The following ITPR3 variants were observed in gnomAD, a reference collection of about 807,000 sequenced individuals.
ITPR3 encodes the protein inositol 1,4,5-trisphosphate receptor type 3.
A neutral mutation model predicts 293.2 loss-of-function variants in ITPR3; 173 were observed. The ratio of observed to expected loss-of-function variants is 0.59; its 90% CI spans 0.52 to 0.67. The LOEUF (loss-of-function observed/expected upper bound fraction) is 0.67. ITPR3 is among the 30% of genes least tolerant of loss of function. The probability of loss-of-function intolerance (pLI) is 0.00; values close to 1 mark genes in which losing one functional copy is unlikely to be tolerated. For synonymous variants in ITPR3, 1,295 were observed against 1,444.4 expected, an observed-to-expected ratio of 0.90 and a Z score of 2.35; for missense variants, 2,796 against 3,592.1, an observed-to-expected ratio of 0.78 and a Z score of 5.66.
rs1763447925 is a variant in ITPR3 at position 33,621,959 on chromosome 6, G to A, written c.89+268G>A. 6.6e-6 allele frequency among the ~76,000 whole-genome samples: 1 copy of A among 152,216 alleles called. No homozygotes were observed. Among genetic ancestry groups the A allele is most frequent in the Admixed American group, 6.5e-5 (1 of 15,292 alleles). Reference sequence around the variant, plus strand: ...TCCCGCGCACGCCTTTGGAGGGGGCGGAGGGACGGAGGCTTCCTTTGCAGG... The same window carrying A: ...TCCCGCGCACGCCTTTGGAGGGGGCAGAGGGACGGAGGCTTCCTTTGCAGG... On this transcript the variant is annotated intron_variant, in intron 1 of 57. Coordinates refer to ENST00000605930, the MANE Select transcript of ITPR3 (RefSeq NM_002224.4). The surrounding 1 kb of genome is among the most constrained non-coding windows in gnomAD (Gnocchi z 7.7).
At position 33,675,569 on chromosome 6, in the gene ITPR3, A is replaced by G; in HGVS notation, c.3117-122A>G. ...GTGTCAATATTTTAAACACATTTAG[A>G]CTGGCCCTGCATCTGCTAATTGGGT... On this transcript the variant is annotated intron_variant, in intron 24 of 57. Coordinates refer to ENST00000605930, the MANE Select transcript of ITPR3 (RefSeq NM_002224.4). This position sits in a 1 kb window ranked among gnomAD's most constrained non-coding sequence, Gnocchi z 5.0. The G allele has an allele frequency of 1.9e-6, 2 of 1,050,534 alleles. No homozygotes were observed. Among genetic ancestry groups the G allele is most frequent in the Non-Finnish European group, 1.4e-6 (1 of 738,592 alleles). 65.1% of individuals were successfully genotyped at this position (1,050,534 alleles called of 1,614,324 possible).
chr6:33,677,448 C>A, intron 27 of ITPR3, 56 bp from the exon 28 acceptor site: 1 of 1,600,584 alleles, frequency 6.2e-7, no homozygotes, highest in South Asian at 1.1e-5. Context: ...GTGGGCTGGG[C>A]AGAGGGCAGC....
At chr6:33,647,383 A>G (rs1312623227) in intron 2 of ITPR3, among the ~76,000 whole-genome samples, 1 of 152,156 alleles carries the variant, frequency 6.6e-6, no homozygotes, top group Non-Finnish European at 1.5e-5. Flanking sequence ...TCCCATCTTA[A>G]CCATCGTTAA....
intron 1 of ITPR3, among the ~76,000 whole-genome samples, chr6:33,630,376 C>T (rs1482397675): frequency 6.6e-6 from 1 of 152,224 alleles, no homozygotes; most frequent in Non-Finnish European, 1.5e-5. Flanking sequence ...GCCTCAGTTA[C>T]TCTGTCAAGT....
rs571784806 is a variant in ITPR3, at chr6:33,640,417, T to C, written c.90-67T>C. 1,118 of 1,483,256 alleles carry C rather than the reference T, an allele frequency of 7.5e-4. 5 individuals carry two copies. The African/African-American group carries it at 0.01, about 14-fold the overall frequency. 91.9% of individuals were successfully genotyped at this position (1,483,256 alleles called of 1,614,324 possible). On this transcript the variant is annotated intron_variant, in intron 1 of 57. Coordinates refer to ENST00000605930, the MANE Select transcript of ITPR3 (RefSeq NM_002224.4). ...ACTGGTACCCTGGCATCCCCTGCTC[T>C]AAGGGAAGGGATACTGTGGGAGATA...
Position 33,648,739 on chromosome 6 carries a change from G to A in ITPR3, c.161-7027G>A, listed in dbSNP as rs74685349. On this transcript the variant is annotated intron_variant, in intron 2 of 57. Coordinates refer to ENST00000605930, the MANE Select transcript of ITPR3 (RefSeq NM_002224.4). ...TCCCAAGTAGCTGGATCACAGGTGCGTGTCAACAGACCCGGCTAGTTTTTA... is the reference window on the plus strand; with the variant it reads ...TCCCAAGTAGCTGGATCACAGGTGCATGTCAACAGACCCGGCTAGTTTTTA... 3.7e-3 allele frequency among the ~76,000 whole-genome samples: 565 copies of A among 151,940 alleles called. 1 individual carries two copies. Among genetic ancestry groups the A allele is most frequent in the African/African-American group, 0.013 (529 of 41,426 alleles).
chr6:33,626,258 C>A (rs1439420602), intron 1 of ITPR3, among the ~76,000 whole-genome samples: 1 of 152,094 alleles, frequency 6.6e-6, no homozygotes, highest in Non-Finnish European at 1.5e-5. Context: ...TTGAACAAGG[C>A]CCTGCCTTCT....
At position 33,687,844 on chromosome 6, in the gene ITPR3, G is replaced by A. The variant is rs1355370586; in HGVS notation, c.6265-213G>A. 6.6e-6 allele frequency among the ~76,000 whole-genome samples: 1 copy of A among 152,140 alleles called. No individual in the cohort carries two copies. Among genetic ancestry groups the A allele is most frequent in the Non-Finnish European group, 1.5e-5 (1 of 68,014 alleles). On this transcript the variant is annotated intron_variant, in intron 46 of 57. Coordinates refer to ENST00000605930, the MANE Select transcript of ITPR3 (RefSeq NM_002224.4). This position sits in a 1 kb window ranked among gnomAD's most constrained non-coding sequence, Gnocchi z 5.3. ...TGAGGAGGCCCCCGCTATCCTCTGG[G>A]ATTCTCTGGTCATGGCTCTCCCACT...
intron 33 of ITPR3, among the ~76,000 whole-genome samples, chr6:33,681,010 A>G (rs866135114): frequency 5.3e-5 from 8 of 152,002 alleles, no homozygotes; most frequent in African/African-American, 7.3e-5. Flanking sequence ...TAGTAGAGAC[A>G]GGGTTTCACC....
chr6:33,672,904 C>T lies in ITPR3; in HGVS notation c.2928+676C>T, dbSNP rs568207621. ...CCCAGCCACACCCCAGGAAGGGGCT[C>T]ATCCCCGAGGAGGGATGAGGATGCT... is the stretch of plus-strand genomic sequence containing the variant. On this transcript the variant is annotated intron_variant, in intron 22 of 57. Coordinates refer to ENST00000605930, the MANE Select transcript of ITPR3 (RefSeq NM_002224.4). This position sits in a 1 kb window ranked among gnomAD's most constrained non-coding sequence, Gnocchi z 5.0. 1.3e-5 allele frequency among the ~76,000 whole-genome samples: 2 copies of T among 152,328 alleles called. No homozygotes were observed. The highest frequency in any genetic ancestry group is 4.1e-4 in the South Asian group (2 of 4,828).
chr6:33,695,768 C>T lies in ITPR3; in HGVS notation c.8004C>T (p.Cys2668=). Residue 2668 remains cysteine, a synonymous_variant, in exon 58 of 58, where the codon TGC becomes TGT. Coordinates refer to ENST00000605930, the MANE Select transcript of ITPR3 (RefSeq NM_002224.4). ...QRLGFVDVQN[C]ISR is the part of the protein sequence containing the mutation. ...TAGGCTTTGTGGATGTCCAGAACTG[C>T]ATTAGCCGCTGAGGAGAGCCACCGA... The T allele has an allele frequency of 6.2e-7, 1 of 1,614,140 alleles. No individual in the cohort carries two copies. Among genetic ancestry groups the T allele is most frequent in the Non-Finnish European group, 8.5e-7 (1 of 1,180,014 alleles).
chr6:33,621,887 A>G lies in ITPR3; in HGVS notation c.89+196A>G, dbSNP rs982134877. Among the ~76,000 whole-genome samples, 8 of 152,094 alleles carry G rather than the reference A, an allele frequency of 5.3e-5. No homozygotes were observed. The highest frequency in any genetic ancestry group is 1.7e-4 in the African/African-American group (7 of 41,410). On this transcript the variant is annotated intron_variant, in intron 1 of 57. Coordinates refer to ENST00000605930, the MANE Select transcript of ITPR3 (RefSeq NM_002224.4). The surrounding 1 kb of genome is among the most constrained non-coding windows in gnomAD (Gnocchi z 7.7). ...TGCTCAGGTAGGACTCGGGCTCCCT[A>G]CTGGAGTTGGCAGGAGGAGCCTCCC...
At position 33,674,072 on chromosome 6, in the gene ITPR3, C is replaced by A. The variant is rs937485892; in HGVS notation, c.3059-136C>A. The A allele has an allele frequency of 3.7e-6, 4 of 1,094,666 alleles. No homozygotes were observed. The African/African-American group carries it at 6.2e-5, about 17-fold the overall frequency. The allele number at this position is 1,094,666 out of a possible 1,614,324, so 67.8% of individuals were successfully genotyped here. A position where few individuals can be genotyped will look rare whatever the true frequency, so the allele number is the denominator to read the frequency against. On this transcript the variant is annotated intron_variant, in intron 23 of 57. Transcript: ENST00000605930. ...GCTGTGGCTCCTCCCCTACTTGGTTCCTTCCCAGAAAGGGGCAGGCAGAGC... is the reference window on the plus strand; with the variant it reads ...GCTGTGGCTCCTCCCCTACTTGGTTACTTCCCAGAAAGGGGCAGGCAGAGC...
chr6:33,631,010 G>A (rs1188855294), intron 1 of ITPR3, among the ~76,000 whole-genome samples: 1 of 152,146 alleles, frequency 6.6e-6, no homozygotes, highest in African/African-American at 2.4e-5. Context: ...TTAACATTCC[G>A]CCTAGTAGGT....
chr6:33,674,099 G>C (rs1764841494), intron 23 of ITPR3, 109 bp from the exon 24 acceptor site: 1 of 1,338,778 alleles, frequency 7.5e-7, no homozygotes, highest in Admixed American at 1.9e-5. Context: ...AGGCAGAGCA[G>C]CTGCTGTGCA....
At position 33,666,008 on chromosome 6, in the gene ITPR3, G is replaced by C. The variant is rs1024990212; in HGVS notation, c.1551+32G>C. On this transcript the variant is annotated intron_variant, in intron 14 of 57. Coordinates refer to ENST00000605930, the MANE Select transcript of ITPR3 (RefSeq NM_002224.4). This position sits in a 1 kb window ranked among gnomAD's most constrained non-coding sequence, Gnocchi z 5.1. ...GTGCACCCATGAGGGGACGCAGAGG[G>C]GCCGGGTGCCCGGGAGAGGGATGCC... is the stretch of plus-strand genomic sequence containing the variant. 2 of 1,559,424 alleles carry C rather than the reference G, an allele frequency of 1.3e-6. No homozygotes were observed. Among genetic ancestry groups the C allele is most frequent in the African/African-American group, 2.7e-5 (2 of 73,400 alleles).
At chr6:33,625,854 C>T (rs749130276) in intron 1 of ITPR3, among the ~76,000 whole-genome samples, 10 of 152,186 alleles carry the variant, frequency 6.6e-5, no homozygotes, top group Admixed American at 2.0e-4. Context: ...TCTCCAGGCT[C>T]AGGATCCCTA....
Position 33,664,908 on chromosome 6 carries a change from C to G in ITPR3, c.1187C>G (p.Thr396Arg). Reference protein sequence around the residue: ...YVRLRHLCTNTWIQSTNVPID... With the variant: ...YVRLRHLCTNRWIQSTNVPID... Reference sequence around the variant, plus strand: ...CGGCTGCGGCACCTCTGCACCAACACGTGGATTCAGAGCACCAATGTGCCC... The same window carrying G: ...CGGCTGCGGCACCTCTGCACCAACAGGTGGATTCAGAGCACCAATGTGCCC... The change falls in exon 12 of 58, where the codon ACG becomes AGG. Residue 396 changes from threonine to arginine, a missense_variant. Transcript: ENST00000605930. This position sits in a 1 kb window ranked among gnomAD's most constrained non-coding sequence, Gnocchi z 4.4. 1.9e-6 allele frequency: 3 copies of G among 1,594,170 alleles called. No homozygotes were observed. Among genetic ancestry groups the G allele is most frequent in the Non-Finnish European group, 1.7e-6 (2 of 1,168,138 alleles).
In ITPR3 at chr6:33,658,767, G is replaced by T; in HGVS notation, c.467G>T (p.Gly156Val). 6.2e-7 allele frequency: 1 copy of T among 1,614,196 alleles called. No homozygotes were observed. The highest frequency in any genetic ancestry group is 8.5e-7 in the Non-Finnish European group (1 of 1,180,022). Residue 156 changes from glycine to valine, a missense_variant, in exon 5 of 58, where the codon GGC becomes GTC. By Grantham distance (109) the Gly-to-Val change is moderately radical (BLOSUM62 -3). Transcript: ENST00000605930. The surrounding 1 kb of genome is among the most constrained non-coding windows in gnomAD (Gnocchi z 6.1). The part of the protein sequence containing the change: ...NAMRVTLDAT[G>V]NEGSWLFIQP... ...ATGCGGGTGACTCTGGATGCCACAG[G>T]CAACGAGGGTTCCTGGCTCTTCATC...
Sources: gnomAD v4.1 joint callset for allele counts (sites outside exome capture counted in the v4.1 genomes callset) on GRCh38, gnomAD v4.1.1 for gene constraint, Gnocchi (gnomAD v3.1) non-coding constraint, MANE v1.5 for transcripts, NCBI Gene and HGNC (gene_info 2026-07-23, HGNC 2026-07-21) for gene names.